The following SLC4A4 variants were observed in gnomAD, a reference collection of about 807,000 sequenced individuals.
SLC4A4 encodes electrogenic sodium bicarbonate cotransporter 1.
SLC4A4 carries 27 observed loss-of-function variants against 111.5 expected under a neutral mutation model. The observed-to-expected ratio is 0.24, with a 90% CI of 0.18 to 0.33. The LOEUF (loss-of-function observed/expected upper bound fraction) is 0.33, where lower values mean the gene tolerates loss of function less well. SLC4A4 is among the 10% of genes least tolerant of loss of function. SLC4A4 has a pLI of 1.00. For synonymous variants in SLC4A4, 443 were observed against 463.4 expected (o/e 0.96, Z 0.57); for missense variants, 909 against 1,315.5 (o/e 0.69, Z 4.78).
At chr4:71,205,411 GC>G (rs1320789006) in intron 1 of SLC4A4, among the ~76,000 whole-genome samples, 5 of 151,978 alleles carry the variant, frequency 3.3e-5, no homozygotes, top group African/African-American at 9.7e-5. Context: ...AGGAGGTAAG[GC>G]CCCCCCATCC....
At chr4:71,537,592 G>C (rs1734669517) in intron 18 of SLC4A4, among the ~76,000 whole-genome samples, 3 of 151,916 alleles carry the variant, frequency 2.0e-5, no homozygotes, top group Non-Finnish European at 4.4e-5. Flanking sequence ...TAGAGTTGTG[G>C]TTAGGAATAT....
intron 1 of SLC4A4, among the ~76,000 whole-genome samples, chr4:71,078,396 T>C (rs1278381006): frequency 3.9e-5 from 6 of 152,124 alleles, no homozygotes; most frequent in Non-Finnish European, 7.4e-5. Context: ...ATGAGTTGCT[T>C]AGAAGTCTAT....
At chr4:71,159,493 A>G (rs1744565041) in intron 2 of SLC4A4, among the ~76,000 whole-genome samples, 1 of 152,002 alleles carries the variant, frequency 6.6e-6, no homozygotes, top group African/African-American at 2.4e-5. Flanking sequence ...CTTCCTGAGT[A>G]GCTGGGATTA....
At chr4:71,460,874 T>G (rs1662289126) in intron 12 of SLC4A4, among the ~76,000 whole-genome samples, 1 of 152,062 alleles carries the variant, frequency 6.6e-6, no homozygotes. Context: ...GAATCAGTAT[T>G]TTTTTTATTA....
At chr4:71,424,541 C>G (rs1051689034) in intron 7 of SLC4A4, among the ~76,000 whole-genome samples, 1 of 151,988 alleles carries the variant, frequency 6.6e-6, no homozygotes, top group African/African-American at 2.4e-5. Flanking sequence ...CACATGCACA[C>G]GTATGTTTAT....
At chr4:71,374,884 C>T (rs1283738308) in intron 6 of SLC4A4, among the ~76,000 whole-genome samples, 1 of 152,056 alleles carries the variant, frequency 6.6e-6, no homozygotes, top group Non-Finnish European at 1.5e-5. Context: ...TCAGACTCTC[C>T]TGCTCATCAC....
chr4:71,278,022 A>G (rs1723214053), intron 3 of SLC4A4, among the ~76,000 whole-genome samples: 2 of 152,202 alleles, frequency 1.3e-5, no homozygotes. Flanking sequence ...TATAGTCACC[A>G]TACTTTATGT....
chr4:71,181,869 C>G (rs1286551764), intron 2 of SLC4A4, among the ~76,000 whole-genome samples: 1 of 152,162 alleles, frequency 6.6e-6, no homozygotes, highest in Non-Finnish European at 1.5e-5. Flanking sequence ...TGCTTTATTT[C>G]TTCTAGGGCT....
chr4:71,484,396 A>G (rs1318463386), intron 14 of SLC4A4, among the ~76,000 whole-genome samples: 2 of 151,832 alleles, frequency 1.3e-5, no homozygotes, highest in Non-Finnish European at 2.9e-5. Flanking sequence ...GCTTATGATC[A>G]GCCAGTTATC....
intron 3 of SLC4A4, among the ~76,000 whole-genome samples, chr4:71,337,861 G>A (rs530613825): frequency 3.2e-4 from 49 of 151,478 alleles, no homozygotes; most frequent in Non-Finnish European, 5.6e-4. Flanking sequence ...ACAGGGTCTT[G>A]CTTTGTCACC....
chr4:71,219,161 C>T (rs1353920678), intron 1 of SLC4A4, among the ~76,000 whole-genome samples: 1 of 152,208 alleles, frequency 6.6e-6, no homozygotes, highest in Non-Finnish European at 1.5e-5. Flanking sequence ...GTGAGGAAGG[C>T]ATCTCAAAAG....
chr4:71,085,347 C>T (rs201220694), intron 1 of SLC4A4, among the ~76,000 whole-genome samples: 34,137 of 151,656 alleles, frequency 0.23, 3,996 homozygotes, highest in South Asian at 0.24. Context: ...TTCTCCCATT[C>T]TGTAGGTTGC....
chr4:71,317,291 C>T (rs1042609575), intron 3 of SLC4A4, among the ~76,000 whole-genome samples: 3 of 151,944 alleles, frequency 2.0e-5, no homozygotes, highest in South Asian at 4.1e-4. Context: ...ATTCTGCCTG[C>T]GTGTGTTTAT....
intron 3 of SLC4A4, among the ~76,000 whole-genome samples, chr4:71,293,020 T>G (rs1724496722): frequency 6.6e-6 from 1 of 150,552 alleles, no homozygotes; most frequent in Non-Finnish European, 1.5e-5. Flanking sequence ...TTTTTGTATT[T>G]TTAGTAGAGA....
intron 1 of SLC4A4, among the ~76,000 whole-genome samples, chr4:71,213,593 G>A (rs1173119901): frequency 6.6e-6 from 1 of 152,134 alleles, no homozygotes; most frequent in Non-Finnish European, 1.5e-5. Flanking sequence ...AGATGAAAAG[G>A]TGAGAAGAAA....
intron 14 of SLC4A4, among the ~76,000 whole-genome samples, chr4:71,477,216 A>C (rs1199537347): frequency 6.6e-6 from 1 of 151,726 alleles, no homozygotes; most frequent in Non-Finnish European, 1.5e-5. Flanking sequence ...GATTGTGCCT[A>C]TTCTTAGAGG....
At chr4:71,279,620 T>C (rs187969092) in intron 3 of SLC4A4, among the ~76,000 whole-genome samples, 6 of 152,302 alleles carry the variant, frequency 3.9e-5, no homozygotes, top group Admixed American at 3.9e-4. Flanking sequence ...AGTAATTTTG[T>C]TTCCTTTGGA....
chr4:71,388,945 G>A (rs1719012382), intron 6 of SLC4A4, among the ~76,000 whole-genome samples: 2 of 152,110 alleles, frequency 1.3e-5, no homozygotes. Flanking sequence ...GCTTTTGCTG[G>A]TTGAAATTGG....
intron 3 of SLC4A4, among the ~76,000 whole-genome samples, chr4:71,272,604 A>G (rs1483149356): frequency 6.6e-6 from 1 of 152,210 alleles, no homozygotes; most frequent in Non-Finnish European, 1.5e-5. Context: ...AGATGACTGC[A>G]GGAGGACCTA....
Sources: gnomAD v4.1 joint callset for allele counts (sites outside exome capture counted in the v4.1 genomes callset) on GRCh38, gnomAD v4.1.1 for gene constraint, MANE v1.5 for transcripts, NCBI Gene and HGNC (gene_info 2026-07-23, HGNC 2026-07-21) for gene names.